Variants in PARD3B observed in about 807,000 individuals in gnomAD.
PARD3B encodes partitioning defective 3 homolog B.
Under a neutral mutation model 130.2 loss-of-function variants are expected in PARD3B, and 103 were observed. The observed-to-expected ratio is 0.79, with a 90% confidence interval of 0.67 to 0.93. The LOEUF is 0.93. Ranked by LOEUF, PARD3B falls within the 40% of genes least tolerant of loss-of-function variation. PARD3B has a pLI of 0.00. For synonymous variants in PARD3B, 583 were observed against 553.2 expected, an observed-to-expected ratio of 1.05 and a Z score of -0.76; for missense variants, 1,609 against 1,499.2, an observed-to-expected ratio of 1.07 and a Z score of -1.21.
At chr2:205,293,353 T>C (rs942795345) in intron 16 of PARD3B, 1 of 152,122 alleles carries the variant, frequency 6.6e-6, no homozygotes, top group Non-Finnish European at 1.5e-5. Flanking sequence ...GAAGAAACAT[T>C]TACTGTTTTA....
chr2:205,586,282 T>C (rs908853371), intron 22 of PARD3B, among the ~76,000 whole-genome samples: 2 of 152,222 alleles, frequency 1.3e-5, no homozygotes, highest in Non-Finnish European at 2.9e-5. Context: ...AAAACACATA[T>C]TGATTGTCCT....
intron 18 of PARD3B, among the ~76,000 whole-genome samples, chr2:205,359,221 G>A (rs1385126370): frequency 2.6e-5 from 4 of 152,182 alleles, no homozygotes; most frequent in East Asian, 3.9e-4. Context: ...TTCAACTTTC[G>A]AAAGATTAAA....
At chr2:204,684,739 T>G (rs548942657) in intron 1 of PARD3B, among the ~76,000 whole-genome samples, 2 of 152,314 alleles carry the variant, frequency 1.3e-5, no homozygotes, top group East Asian at 3.9e-4. Flanking sequence ...TGCTTATATC[T>G]TTGAGATCTC....
In PARD3B at chr2:204,799,493, C is replaced by A. The variant is rs1489388985; in HGVS notation, c.222+113211C>A. ...AGCCTCTCTGGGTTTCCCATCTGCT[C>A]ACTGAAGAGCCCTTGGGCCGTGAGT... On this transcript the variant is annotated intron_variant, in intron 2 of 22. Coordinates refer to ENST00000406610, the MANE Select transcript of PARD3B (RefSeq NM_001302769.2). The surrounding 1 kb of genome is among the most constrained non-coding windows in gnomAD (Gnocchi z 4.1). Among the ~76,000 whole-genome samples the A allele has an allele frequency of 6.6e-6, 1 of 152,162 alleles. No homozygotes were observed. The highest frequency in any genetic ancestry group is 1.5e-5 in the Non-Finnish European group (1 of 68,024).
chr2:204,600,148 CT>C (rs2033452155), intron 1 of PARD3B, among the ~76,000 whole-genome samples: 1 of 151,532 alleles, frequency 6.6e-6, no homozygotes, highest in South Asian at 2.1e-4. Flanking sequence ...TGATTGTTTC[CT>C]TTGCTGTGCA....
At chr2:204,601,083 TG>T (rs1266717853) in intron 1 of PARD3B, among the ~76,000 whole-genome samples, 1 of 151,946 alleles carries the variant, frequency 6.6e-6, no homozygotes, top group Non-Finnish European at 1.5e-5. Flanking sequence ...TTTAAAATAA[TG>T]GAAGTAAAAT....
At chr2:204,963,520 A>G (rs1466255006) in intron 2 of PARD3B, among the ~76,000 whole-genome samples, 3 of 152,152 alleles carry the variant, frequency 2.0e-5, no homozygotes, top group African/African-American at 7.2e-5. Flanking sequence ...GTTAAAATGA[A>G]CATTACTAAT....
chr2:205,217,888 A>ATTTT (rs1559553094), intron 15 of PARD3B, among the ~76,000 whole-genome samples: 17 of 75,042 alleles, frequency 2.3e-4, no homozygotes, highest in South Asian at 1.6e-3. Context: ...ATATATATAT[A>ATTTT]TATATATTTT....
At chr2:204,644,820 A>G (rs2035216171) in intron 1 of PARD3B, among the ~76,000 whole-genome samples, 1 of 152,198 alleles carries the variant, frequency 6.6e-6, no homozygotes, top group Non-Finnish European at 1.5e-5. Context: ...TATTTACTGT[A>G]TATTCTTATG....
At chr2:205,217,888 A>ATT (rs1559553094) in intron 15 of PARD3B, among the ~76,000 whole-genome samples, 5 of 75,078 alleles carry the variant, frequency 6.7e-5, no homozygotes, top group African/African-American at 1.8e-4. Context: ...ATATATATAT[A>ATT]TATATATTTT....
At position 204,698,777 on chromosome 2, in the gene PARD3B, TTTTTCCAATG is replaced by T. The variant is rs556197310; in HGVS notation, c.222+12496_222+12505del. Among the ~76,000 whole-genome samples, 505 of 152,174 alleles carry T rather than the reference TTTTTCCAATG, an allele frequency of 3.3e-3. 1 individual carries two copies. The highest frequency in any genetic ancestry group is 0.012 in the African/African-American group (492 of 41,534). On this transcript the variant is annotated intron_variant, in intron 2 of 22. Coordinates refer to ENST00000406610, the MANE Select transcript of PARD3B (RefSeq NM_001302769.2). ...GTCTTACAGAGTAACATAGAGGCCA[TTTTTCCAATG>T]GATTTCTTTAAAATTGTAGCGTTCC...
intron 2 of PARD3B, among the ~76,000 whole-genome samples, chr2:204,746,753 G>C (rs375265492): frequency 6.6e-6 from 1 of 152,112 alleles, no homozygotes; most frequent in Middle Eastern, 3.2e-3. Context: ...GTTTTTTCAT[G>C]TGTCTGTTGG....
intron 18 of PARD3B, among the ~76,000 whole-genome samples, chr2:205,393,855 G>A (rs114015010): frequency 0.017 from 2,531 of 152,188 alleles, 73 homozygotes; most frequent in African/African-American, 0.057. Context: ...ATTCATCAGC[G>A]TATGTATGGG....
At position 205,550,955 on chromosome 2, in the gene PARD3B, G is replaced by GTGTATATATATATATATA. The variant is rs796567936; in HGVS notation, c.3181-2368_3181-2367insGTATATATATATATATAT. 2.1e-5 allele frequency among the ~76,000 whole-genome samples: 2 copies of GTGTATATATATATATATA among 94,466 alleles called. No homozygotes were observed. The highest frequency in any genetic ancestry group is 7.6e-5 in the African/African-American group (2 of 26,412). The allele number at this position is 94,466 out of a possible 152,430, so 62.0% of individuals were successfully genotyped here. A position where few individuals can be genotyped will look rare whatever the true frequency, so the allele number is the denominator to read the frequency against. On this transcript the variant is annotated intron_variant, in intron 21 of 22. Transcript: ENST00000406610. The surrounding 1 kb of genome is among the most constrained non-coding windows in gnomAD (Gnocchi z 4.5). ...TGTGTGTGTGTGTATATATATATGT[G>GTGTATATATATATATATA]TATATATATATATATATATATACAC...
At chr2:204,734,602 A>T (rs1296354733) in intron 2 of PARD3B, among the ~76,000 whole-genome samples, 1 of 152,184 alleles carries the variant, frequency 6.6e-6, no homozygotes, top group Non-Finnish European at 1.5e-5. Flanking sequence ...ATGCAAAAAC[A>T]TGGATGAGTC....
At chr2:205,357,661 A>AG (rs2044245447) in intron 18 of PARD3B, among the ~76,000 whole-genome samples, 1 of 30,226 alleles carries the variant, frequency 3.3e-5, no homozygotes, top group Non-Finnish European at 1.9e-4. Flanking sequence ...GTTTCATGAG[A>AG]AAAAAAATAA....
chr2:205,542,232 T>G lies in PARD3B; in HGVS notation c.3181-11092T>G, dbSNP rs147537863. On this transcript the variant is annotated intron_variant, in intron 21 of 22. Transcript: ENST00000406610. ...GATCAATAAGATCATTGAGCATGCA[T>G]AAGAAGGACAAGATAAACCTGGAAA... Among the ~76,000 whole-genome samples the G allele has an allele frequency of 3.5e-3, 516 of 145,788 alleles. 4 individuals are homozygous for G. The highest frequency in any genetic ancestry group is 0.015 in the Middle Eastern group (4 of 274).
intron 2 of PARD3B, among the ~76,000 whole-genome samples, chr2:204,941,710 G>T (rs1688918465): frequency 6.6e-6 from 1 of 152,092 alleles, no homozygotes; most frequent in African/African-American, 2.4e-5. Flanking sequence ...TACTTCAATG[G>T]CATTTTTAGA....
Position 205,028,700 on chromosome 2 carries a change from A to C in PARD3B, c.395-18881A>C, listed in dbSNP as rs138177145. On this transcript the variant is annotated intron_variant, in intron 3 of 22. Coordinates refer to ENST00000406610, the MANE Select transcript of PARD3B (RefSeq NM_001302769.2). ...GCCAGAGCAATTAGGCAAGAAAAAC[A>C]AAAGACATCCGAATTAGGAAGAAAT... Among the ~76,000 whole-genome samples, 448 of 152,248 alleles carry C rather than the reference A, an allele frequency of 2.9e-3. 6 individuals are homozygous for C. Among genetic ancestry groups the C allele is most frequent in the African/African-American group, 0.01 (428 of 41,562 alleles).
Sources: gnomAD v4.1 joint callset for allele counts (sites outside exome capture counted in the v4.1 genomes callset) on GRCh38, gnomAD v4.1.1 for gene constraint, Gnocchi (gnomAD v3.1) non-coding constraint, MANE v1.5 for transcripts, NCBI Gene and HGNC (gene_info 2026-07-23, HGNC 2026-07-21) for gene names.